Variants in USF3 observed in about 807,000 individuals in gnomAD.
The protein encoded by USF3 is basic helix-loop-helix domain-containing protein USF3.
Under a neutral mutation model 157.5 loss-of-function variants are expected in USF3, and 29 were observed. The observed-to-expected ratio is 0.18, with a 90% CI of 0.14 to 0.25. The LOEUF is 0.25. Among genes scored for constraint, USF3 ranks in the 10% least tolerant of loss-of-function variants. USF3 has a pLI of 1.00. For missense variants in USF3, 2,381 were observed against 2,667.6 expected, an observed-to-expected ratio of 0.89 and a Z score of 2.37; for synonymous variants, 893 against 941.4, an observed-to-expected ratio of 0.95 and a Z score of 0.94.
At chr3:113,688,086 G>A (rs1425658711) in intron 1 of USF3, among the ~76,000 whole-genome samples, 3 of 151,604 alleles carry the variant, frequency 2.0e-5, no homozygotes, top group South Asian at 2.1e-4. Context: ...TTACTGAATG[G>A]CCCTGAGTGC....
rs141408852 is a variant in USF3 at position 113,667,652 on chromosome 3, A to C, written c.159+2469T>G. ...GAGGCCGAGGTGGGTGGATCACTTG[A>C]GGTCAGGAGTTTGAGACCAGCCTGG... On this transcript the variant is annotated intron_variant, in intron 5 of 6. Coordinates refer to ENST00000316407, the MANE Select transcript of USF3 (RefSeq NM_001009899.4). Among the ~76,000 whole-genome samples the C allele has an allele frequency of 1.9e-3, 294 of 152,266 alleles. 1 individual carries two copies. The highest frequency in any genetic ancestry group is 6.5e-3 in the African/African-American group (272 of 41,540).
rs370605801 is a variant in USF3 at position 113,656,963 on chromosome 3, G to C, written c.4719C>G (p.Ser1573=). Residue 1573 remains serine (S), a synonymous_variant, in exon 7 of 7, where the codon TCC becomes TCG. Coordinates refer to ENST00000316407, the MANE Select transcript of USF3 (RefSeq NM_001009899.4). Reference sequence around the variant, plus strand: ...GGTTTTCACAGCTCTTCTCTGTCTGGGAGCTTCCAAAGTGTTGCTGCATTT... The same window carrying C: ...GGTTTTCACAGCTCTTCTCTGTCTGCGAGCTTCCAAAGTGTTGCTGCATTT... ...QQQMQQHFGS[S]QTEKSCENPS... 6.2e-7 allele frequency: 1 copy of C among 1,614,008 alleles called. No individual in the cohort carries two copies. Among genetic ancestry groups the C allele is most frequent in the Non-Finnish European group, 8.5e-7 (1 of 1,180,010 alleles).
rs778542745 is a variant in USF3 at position 113,654,986 on chromosome 3, G to C, written c.6696C>G (p.Asn2232Lys). 2.5e-6 allele frequency: 4 copies of C among 1,614,002 alleles called. No homozygotes were observed. Among genetic ancestry groups the C allele is most frequent in the Non-Finnish European group, 3.4e-6 (4 of 1,179,872 alleles). ...AATCATGACCTAGAATATGGCTTATGTTATGGGCAGGTCTGTTTGAGGACT... is the reference window on the plus strand; with the variant it reads ...AATCATGACCTAGAATATGGCTTATCTTATGGGCAGGTCTGTTTGAGGACT... Reference protein sequence around the residue: ...SKQSSNRPAHNISHILGHDCS... With the variant: ...SKQSSNRPAHKISHILGHDCS... The change falls in exon 7 of 7, where the codon AAC becomes AAG. Residue 2232 changes from asparagine (N) to lysine (K), a missense_variant. By Grantham distance (94) the Asn-to-Lys change is moderately conservative (BLOSUM62 0). This residue lies in a region of USF3 where 20 missense variants were observed against 36.6 expected (regional missense o/e 0.55). Coordinates refer to ENST00000316407, the MANE Select transcript of USF3 (RefSeq NM_001009899.4).
In USF3 at chr3:113,649,834, C is replaced by T; in HGVS notation, c.*5110G>A. On this transcript the variant is annotated 3_prime_UTR_variant, in exon 7 of 7. Coordinates refer to ENST00000316407, the MANE Select transcript of USF3 (RefSeq NM_001009899.4). ...ATCTAAATTTGGTGTCCCCCCTCCA[C>T]AGGTTCTAGTAGAAACCTACGCATG... The T allele has an allele frequency of 2.8e-6, 2 of 702,878 alleles. No homozygotes were observed. The highest frequency in any genetic ancestry group is 3.0e-5 in the South Asian group (2 of 67,588). 43.5% of individuals were successfully genotyped at this position (702,878 alleles called of 1,614,324 possible). A position where few individuals can be genotyped will look rare whatever the true frequency, so the allele number is the denominator to read the frequency against.
Position 113,658,837 on chromosome 3 carries a change from T to C in USF3, c.2845A>G (p.Ser949Gly), listed in dbSNP as rs375985629. 11 of 1,614,040 alleles carry C rather than the reference T, an allele frequency of 6.8e-6. No homozygotes were observed. Among genetic ancestry groups the C allele is most frequent in the African/African-American group, 2.7e-5 (2 of 74,930 alleles). The change falls in exon 7 of 7, where the codon AGT becomes GGT. Residue 949 changes from serine to glycine, a missense_variant. Around this residue, in one of 6 missense-constraint regions of USF3, gnomAD observed 1,435 missense variants for 1,550.9 expected, o/e 0.93. Transcript: ENST00000316407. ...TGAGAAACCAAAATGTGAGGATCAC[T>C]TGGAGATGGAATCAATACATTGGCT... ...ASANVLIPSP[S>G]DPHILVSQVP...
At chr3:113,663,750 A>C (rs1415826135) in intron 6 of USF3, among the ~76,000 whole-genome samples, 1 of 152,218 alleles carries the variant, frequency 6.6e-6, no homozygotes, top group African/African-American at 2.4e-5. Flanking sequence ...CTATAAGAAA[A>C]CTTTCTCTCC....
At chr3:113,681,354 T>A (rs1475833586) in intron 1 of USF3, among the ~76,000 whole-genome samples, 1 of 152,166 alleles carries the variant, frequency 6.6e-6, no homozygotes, top group South Asian at 2.1e-4. Context: ...GTGTTTTGTA[T>A]GCTGTGTTTC....
rs762399568 is a variant in USF3 at position 113,658,609 on chromosome 3, G to T, written c.3073C>A (p.Gln1025Lys). 1.2e-6 allele frequency: 2 copies of T among 1,612,808 alleles called. No individual in the cohort carries two copies. Among genetic ancestry groups the T allele is most frequent in the Non-Finnish European group, 1.7e-6 (2 of 1,179,316 alleles). ...GAAGAAAAGTCAGGATGATCCATCT[G>T]ATCAGAAAGAGATGATTTCTGAGGG... The part of the protein sequence containing the change: ...KNPQKSSLSD[Q>K]MDHPDFSSEN... The change falls in exon 7 of 7, where the codon CAG becomes AAG. Residue 1025 changes from glutamine to lysine, a missense_variant. By Grantham distance (53) the Gln-to-Lys change is moderately conservative. Transcript: ENST00000316407.
chr3:113,653,155 C>G lies in USF3; in HGVS notation c.*1789G>C, dbSNP rs1947293678. On this transcript the variant is annotated 3_prime_UTR_variant, in exon 7 of 7. Coordinates refer to ENST00000316407, the MANE Select transcript of USF3 (RefSeq NM_001009899.4). ...TTCTATGCATCTCTCCCACCCCATCCCATTTTTGGCAGAATATAACAAGAA... is the reference window on the plus strand; with the variant it reads ...TTCTATGCATCTCTCCCACCCCATCGCATTTTTGGCAGAATATAACAAGAA... 1 of 171,730 alleles carries G rather than the reference C, an allele frequency of 5.8e-6. No individual in the cohort carries two copies. Among genetic ancestry groups the G allele is most frequent in the African/African-American group, 2.4e-5 (1 of 42,052 alleles). The allele number at this position is 171,730 out of a possible 1,614,324, so 10.6% of individuals were successfully genotyped here.
intron 5 of USF3, among the ~76,000 whole-genome samples, chr3:113,669,857 T>C (rs969300582): frequency 3.9e-5 from 6 of 152,192 alleles, no homozygotes; most frequent in African/African-American, 1.4e-4. Context: ...TAGAGTGGCA[T>C]ATATGTAAAC....
In USF3 at chr3:113,650,681, C is replaced by T. The variant is rs1021911392; in HGVS notation, c.*4263G>A. On this transcript the variant is annotated 3_prime_UTR_variant, in exon 7 of 7. Transcript: ENST00000316407. ...CCATGAAATGGCTAATGTTAGAAGGCAAGAGCAAGGCAAATAAATTATCTT... is the reference window on the plus strand; with the variant it reads ...CCATGAAATGGCTAATGTTAGAAGGTAAGAGCAAGGCAAATAAATTATCTT... The T allele has an allele frequency of 6.6e-6, 1 of 152,112 alleles. No homozygotes were observed. The highest frequency in any genetic ancestry group is 2.4e-5 in the African/African-American group (1 of 41,422). The allele number at this position is 152,112 out of a possible 1,614,324, so 9.4% of individuals were successfully genotyped here. A position where few individuals can be genotyped will look rare whatever the true frequency, so the allele number is the denominator to read the frequency against.
intron 3 of USF3, 143 bp downstream of exon 3, chr3:113,674,689 T>C: frequency 1.4e-6 from 1 of 730,696 alleles, no homozygotes; most frequent in Admixed American, 2.1e-5. Flanking sequence ...AAATCTGTAT[T>C]TATCTACAAA....
intron 6 of USF3, among the ~76,000 whole-genome samples, chr3:113,662,044 G>A (rs189196489): frequency 6.2e-4 from 95 of 152,206 alleles, no homozygotes; most frequent in African/African-American, 1.8e-3. Flanking sequence ...TCAGGGTTTC[G>A]CCATGTTGGC....
chr3:113,660,878 A>C lies in USF3; in HGVS notation c.804T>G (p.His268Gln). ...AVSIESEPHQHHSLHTCLNDQ... is the reference protein window; with the variant it reads ...AVSIESEPHQQHSLHTCLNDQ... ...CATTTAGGCATGTGTGCAAAGAATG[A>C]TGTTGGTGAGGCTCAGATTCAATTG... Residue 268 changes from histidine (H) to glutamine (Q), a missense_variant, in exon 7 of 7, where the codon CAT becomes CAG. Transcript: ENST00000316407. The C allele has an allele frequency of 6.2e-7, 1 of 1,614,172 alleles. No individual in the cohort carries two copies. The highest frequency in any genetic ancestry group is 1.1e-5 in the South Asian group (1 of 91,076).
intron 2 of USF3, among the ~76,000 whole-genome samples, chr3:113,676,955 T>C (rs1707296321): frequency 6.6e-6 from 1 of 152,140 alleles, no homozygotes; most frequent in Non-Finnish European, 1.5e-5. Context: ...TACCTAGTAG[T>C]AATAAGGATT....
chr3:113,673,321 A>C (rs867928861), intron 4 of USF3, 27 bp downstream of exon 4: 1 of 1,556,826 alleles, frequency 6.4e-7, no homozygotes, highest in Middle Eastern at 1.7e-4. Context: ...AAAAAATGCT[A>C]ACAGGTAAAA....
rs573744875 is a variant in USF3 at position 113,664,167 on chromosome 3, A to G, written c.256+146T>C. Reference sequence around the variant, plus strand: ...AGACTAAAATGAATTTATTGGTAACATTATTCTTCCAGACCCACTGAATGC... The same window carrying G: ...AGACTAAAATGAATTTATTGGTAACGTTATTCTTCCAGACCCACTGAATGC... On this transcript the variant is annotated intron_variant, in intron 6 of 6. Transcript: ENST00000316407. The G allele has an allele frequency of 2.4e-5, 13 of 551,614 alleles. No individual in the cohort carries two copies. The African/African-American group carries it at 2.5e-4, about 11-fold the overall frequency. The allele number at this position is 551,614 out of a possible 1,614,324, so 34.2% of individuals were successfully genotyped here.
rs1433893382 is a variant in USF3 at position 113,654,069 on chromosome 3, T to A, written c.*875A>T. Reference sequence around the variant, plus strand: ...TTATTTCAAGACCAAATAAATAGAATGAAGAGAGAATACTAAATTAAACTC... The same window carrying A: ...TTATTTCAAGACCAAATAAATAGAAAGAAGAGAGAATACTAAATTAAACTC... On this transcript the variant is annotated 3_prime_UTR_variant, in exon 7 of 7. Transcript: ENST00000316407. 6.6e-6 allele frequency: 1 copy of A among 152,430 alleles called. No individual in the cohort carries two copies. The highest frequency in any genetic ancestry group is 1.9e-4 in the East Asian group (1 of 5,200). The allele number at this position is 152,430 out of a possible 1,614,324, so 9.4% of individuals were successfully genotyped here.
intron 1 of USF3, among the ~76,000 whole-genome samples, chr3:113,694,922 G>C (rs1454183783): frequency 6.6e-6 from 1 of 152,178 alleles, no homozygotes; most frequent in Non-Finnish European, 1.5e-5. Flanking sequence ...GCATGCACCT[G>C]TAATCCCAGC....
Sources: allele counts gnomAD v4.1 joint callset (sites outside exome capture counted in the v4.1 genomes callset), GRCh38; gene constraint gnomAD v4.1.1; regional missense constraint gnomAD v4.1.1; transcripts MANE v1.5; gene names NCBI Gene and HGNC (gene_info 2026-07-23, HGNC 2026-07-21).